ZFAND6: variants seen among roughly 807,000 people sequenced by gnomAD.
ZFAND6 encodes zinc finger AN1-type containing 6.
Under a neutral mutation model 24.5 loss-of-function variants are expected in ZFAND6, and 12 were observed. The observed-to-expected ratio is 0.49, with a 90% CI of 0.31 to 0.79. The LOEUF (loss-of-function observed/expected upper bound fraction) is 0.79. ZFAND6 is among the 30% of genes least tolerant of loss of function. The probability of loss-of-function intolerance (pLI) is 0.04; values close to 1 mark genes in which losing one functional copy is unlikely to be tolerated. For synonymous variants in ZFAND6, 92 were observed against 81.5 expected, an observed-to-expected ratio of 1.13 and a Z score of -0.69; for missense variants, 207 against 245.9, an observed-to-expected ratio of 0.84 and a Z score of 1.06.
intron 1 of ZFAND6, among the ~76,000 whole-genome samples, chr15:80,093,314 CTT>C (rs2038504698): frequency 1.3e-5 from 2 of 151,930 alleles, no homozygotes; most frequent in Non-Finnish European, 2.9e-5. Context: ...AAAAGGAACT[CTT>C]TAGGAACTTG....
chr15:80,068,723 CTT>C (rs1209742110), intron 1 of ZFAND6, among the ~76,000 whole-genome samples: 1 of 152,128 alleles, frequency 6.6e-6, no homozygotes, highest in Non-Finnish European at 1.5e-5. Flanking sequence ...CTCTGAAAGT[CTT>C]GGGATTACAG....
At chr15:80,059,972 CCCGCGGGGG>C (rs1265950205) in intron 1 of ZFAND6, among the ~76,000 whole-genome samples, 163 bp downstream of exon 1, 6 of 150,846 alleles carry the variant, frequency 4.0e-5, no homozygotes, top group African/African-American at 1.2e-4. Context: ...AGGTGGTGGG[CCCGCGGGGG>C]CCGCGGGCGA....
At chr15:80,122,555 G>A in intron 4 of ZFAND6, 145 bp from the exon 5 acceptor site, 1 of 572,000 alleles carries the variant, frequency 1.7e-6, no homozygotes, top group South Asian at 2.3e-5. Flanking sequence ...AAAGCTCTAT[G>A]ATTATGTTTA....
At position 80,083,707 on chromosome 15, in the gene ZFAND6, G is replaced by A. The variant is rs143363383; in HGVS notation, c.-180-14709G>A. ...GGAGTTTGAGACTAGCCTGGCCAACGTGGTGAAACCGTGTATCTACTAAAA... is the reference window on the plus strand; with the variant it reads ...GGAGTTTGAGACTAGCCTGGCCAACATGGTGAAACCGTGTATCTACTAAAA... On this transcript the variant is annotated intron_variant, in intron 1 of 6. Transcript: ENST00000261749. 1.6e-3 allele frequency among the ~76,000 whole-genome samples: 249 copies of A among 152,214 alleles called. 1 individual carries two copies. The highest frequency in any genetic ancestry group is 7.0e-3 in the East Asian group (36 of 5,172).
At chr15:80,107,198 A>G (rs958058655) in intron 2 of ZFAND6, among the ~76,000 whole-genome samples, 1 of 152,098 alleles carries the variant, frequency 6.6e-6, no homozygotes, top group Non-Finnish European at 1.5e-5. Context: ...CTGTGCAACA[A>G]GAGCAAAATT....
At chr15:80,097,337 T>C (rs2038784117) in intron 1 of ZFAND6, among the ~76,000 whole-genome samples, 1 of 152,140 alleles carries the variant, frequency 6.6e-6, no homozygotes, top group Non-Finnish European at 1.5e-5. Context: ...TATGTAGCAA[T>C]ATAAATTTTT....
chr15:80,070,361 GCT>G (rs1489745650), intron 1 of ZFAND6, among the ~76,000 whole-genome samples: 1 of 152,140 alleles, frequency 6.6e-6, no homozygotes, highest in Non-Finnish European at 1.5e-5. Context: ...CAATCAGGGA[GCT>G]CCAGAGCTTT....
intron 1 of ZFAND6, among the ~76,000 whole-genome samples, chr15:80,087,779 A>G (rs2038090858): frequency 6.6e-6 from 1 of 152,190 alleles, no homozygotes; most frequent in Non-Finnish European, 1.5e-5. Context: ...GCTTTCATAC[A>G]TCGTTTTTCT....
upstream of ZFAND6, chr15:80,059,603 CGCGGGAGCCG>C (rs2036209814): frequency 6.6e-6 from 1 of 152,102 alleles, no homozygotes; most frequent in Non-Finnish European, 1.5e-5. Context: ...GCGCGTCAGC[CGCGGGAGCCG>C]GCCAATCCAG....
At chr15:80,130,355 T>C (rs2040544254) in intron 5 of ZFAND6, 1 of 152,142 alleles carries the variant, frequency 6.6e-6, no homozygotes. Context: ...ATATTCCCAG[T>C]GTAGATTAAT....
chr15:80,094,782 TG>T (rs938748733), intron 1 of ZFAND6, among the ~76,000 whole-genome samples: 4 of 151,310 alleles, frequency 2.6e-5, no homozygotes, highest in African/African-American at 4.8e-5. Flanking sequence ...TTCCCATTAA[TG>T]TTTTTTTTCT....
intron 1 of ZFAND6, among the ~76,000 whole-genome samples, chr15:80,061,975 A>T (rs2036358579): frequency 6.6e-6 from 1 of 152,190 alleles, no homozygotes; most frequent in African/African-American, 2.4e-5. Context: ...TTTGCATGAA[A>T]ACCCAAAATT....
intron 1 of ZFAND6, among the ~76,000 whole-genome samples, chr15:80,069,618 T>C (rs1378627494): frequency 6.6e-6 from 1 of 151,556 alleles, no homozygotes; most frequent in Non-Finnish European, 1.5e-5. Context: ...TTTTTTTTAT[T>C]TTTTGTTATT....
chr15:80,097,031 CCT>C (rs2038766782), intron 1 of ZFAND6, among the ~76,000 whole-genome samples: 1 of 147,822 alleles, frequency 6.8e-6, no homozygotes, highest in Non-Finnish European at 1.5e-5. Flanking sequence ...ACGGTGTTTC[CCT>C]CTGTTGCCCA....
intron 2 of ZFAND6, among the ~76,000 whole-genome samples, chr15:80,113,480 C>T (rs1196804886): frequency 6.6e-6 from 1 of 152,006 alleles, no homozygotes; most frequent in Non-Finnish European, 1.5e-5. Flanking sequence ...TATTTTCTCC[C>T]TATTTTTTTC....
intron 2 of ZFAND6, among the ~76,000 whole-genome samples, chr15:80,114,338 T>C (rs2039761787): frequency 1.3e-5 from 2 of 152,352 alleles, no homozygotes; most frequent in South Asian, 4.1e-4. Context: ...TCTGTTTACA[T>C]ACAGCATAGT....
intron 1 of ZFAND6, among the ~76,000 whole-genome samples, chr15:80,084,320 A>G (rs1447797413): frequency 1.3e-5 from 2 of 152,264 alleles, no homozygotes; most frequent in African/African-American, 4.8e-5. Flanking sequence ...GAAAATGTTC[A>G]TTGGAGCATT....
intron 1 of ZFAND6, among the ~76,000 whole-genome samples, chr15:80,086,208 T>C (rs992670813): frequency 6.6e-6 from 1 of 151,970 alleles, no homozygotes; most frequent in Non-Finnish European, 1.5e-5. Flanking sequence ...CCAGCTAATT[T>C]TGTATTTTTA....
At chr15:80,121,952 A>T (rs1567092619) in intron 4 of ZFAND6, 132 bp downstream of exon 4, 6 of 747,074 alleles carry the variant, frequency 8.0e-6, no homozygotes, top group Non-Finnish European at 1.2e-5. Context: ...TCGTCTGATT[A>T]TAACTAGTTA....
Sources: allele counts gnomAD v4.1 joint callset (sites outside exome capture counted in the v4.1 genomes callset), GRCh38; gene constraint gnomAD v4.1.1; transcripts MANE v1.5; gene names NCBI Gene and HGNC (gene_info 2026-07-23, HGNC 2026-07-21).